Variants in FBXW11 observed in about 807,000 individuals in gnomAD.
The protein encoded by FBXW11 is F-box and WD repeat domain containing 11, also known as F-box/WD repeat-containing protein 11.
In FBXW11, 19 loss-of-function variants were observed where a neutral mutation model predicts 77.6. That is an observed-to-expected ratio of 0.24 (90% CI 0.17 to 0.36). FBXW11 has a LOEUF of 0.36. Among genes scored for constraint, FBXW11 ranks in the 10% least tolerant of loss-of-function variants. FBXW11 has a pLI of 1.00. For synonymous variants in FBXW11, 235 were observed against 249.4 expected (o/e 0.94, Z 0.54); for missense variants, 334 against 704.2 (o/e 0.47, Z 5.95).
At chr5:171,986,457 T>G (rs1279916365) in intron 1 of FBXW11, among the ~76,000 whole-genome samples, 1 of 151,384 alleles carries the variant, frequency 6.6e-6, no homozygotes, top group Non-Finnish European at 1.5e-5. Context: ...CCAGGTGTGG[T>G]GGCTCACCCC....
rs1223920505 is a variant in FBXW11 at position 171,914,413 on chromosome 5, G to A, written c.148-8C>T. The A allele has an allele frequency of 6.4e-7, 1 of 1,568,906 alleles. No individual in the cohort carries two copies. Among genetic ancestry groups the A allele is most frequent in the Middle Eastern group, 1.7e-4 (1 of 5,960 alleles). ...TTCCATAACTGAAGTGTTCTAGGGG[G>A]GGAAAAACAGGTTATTTGAATTATA... is the stretch of plus-strand genomic sequence containing the variant. On this transcript the variant is annotated splice_polypyrimidine_tract_variant and splice_region_variant and intron_variant, in intron 2 of 13. Coordinates refer to ENST00000517395, the MANE Select transcript of FBXW11 (RefSeq NM_001378974.1).
At chr5:171,978,449 T>C (rs1275866381) in intron 1 of FBXW11, among the ~76,000 whole-genome samples, 1 of 151,974 alleles carries the variant, frequency 6.6e-6, no homozygotes, top group Non-Finnish European at 1.5e-5. Context: ...TATTAAGAAA[T>C]AAAAGCCCAC....
chr5:171,938,154 C>A (rs367893306), intron 2 of FBXW11, among the ~76,000 whole-genome samples: 1 of 152,228 alleles, frequency 6.6e-6, no homozygotes, highest in African/African-American at 2.4e-5. Flanking sequence ...CTCTTCCAGA[C>A]TCAAGTTATC....
chr5:171,868,692 G>C lies in FBXW11; in HGVS notation c.1635C>G (p.Pro545=), dbSNP rs746999494. Residue 545 remains proline, a synonymous_variant, in exon 13 of 14, where the codon CCC becomes CCG. Coordinates refer to ENST00000517395, the MANE Select transcript of FBXW11 (RefSeq NM_001378974.1). Reference sequence around the variant, plus strand: ...GAGAACGGGTCTCATTCTGGGCACTGGGAGGCACATTTAAGAAATCCCAAA... The same window carrying C: ...GAGAACGGGTCTCATTCTGGGCACTCGGAGGCACATTTAAGAAATCCCAAA... ...ILIWDFLNVP[P]SAQNETRSPS... 6.2e-7 allele frequency: 1 copy of C among 1,613,812 alleles called. No homozygotes were observed.
chr5:171,878,262 A>C, intron 7 of FBXW11, 133 bp from the exon 8 acceptor site: 1 of 635,628 alleles, frequency 1.6e-6, no homozygotes, highest in African/African-American at 1.8e-5. Flanking sequence ...ACTGAATAAC[A>C]AACAGGTAAG....
At chr5:171,895,468 T>C (rs1581164817) in intron 6 of FBXW11, among the ~76,000 whole-genome samples, 1 of 152,340 alleles carries the variant, frequency 6.6e-6, no homozygotes, top group East Asian at 1.9e-4. Context: ...GAATAAAATG[T>C]GGCTTATTAA....
At chr5:171,989,227 G>A (rs1321675030) in intron 1 of FBXW11, among the ~76,000 whole-genome samples, 1 of 152,160 alleles carries the variant, frequency 6.6e-6, no homozygotes, top group Non-Finnish European at 1.5e-5. Flanking sequence ...TGTAATAACC[G>A]ATTTCAGGAT....
chr5:171,929,336 C>T (rs1762044900), intron 2 of FBXW11, among the ~76,000 whole-genome samples: 2 of 151,992 alleles, frequency 1.3e-5, no homozygotes. Flanking sequence ...CACCACTGCA[C>T]TACAGCCTGG....
chr5:171,983,340 T>A (rs1308348281), intron 1 of FBXW11, among the ~76,000 whole-genome samples: 3 of 152,118 alleles, frequency 2.0e-5, no homozygotes, highest in Non-Finnish European at 2.9e-5. Flanking sequence ...TGTAATAATA[T>A]CCTTTATGAT....
chr5:171,878,477 G>GC lies in FBXW11; in HGVS notation c.853-349dup, dbSNP rs1320982220. ...GCCTATAATCCCAACATTTTGGGAG[G>GC]CCGAGACAGAAGGATCGCTTGAGCC... On this transcript the variant is annotated intron_variant, in intron 7 of 13. Coordinates refer to ENST00000517395, the MANE Select transcript of FBXW11 (RefSeq NM_001378974.1). 3.3e-5 allele frequency among the ~76,000 whole-genome samples: 5 copies of GC among 152,006 alleles called. No individual in the cohort carries two copies. In the East Asian group the frequency reaches 9.7e-4, roughly 29 times the overall value.
At chr5:171,889,899 T>A (rs544258983) in intron 7 of FBXW11, among the ~76,000 whole-genome samples, 18 of 151,856 alleles carry the variant, frequency 1.2e-4, no homozygotes, top group Middle Eastern at 3.4e-3. Context: ...TCAAAAAAAA[T>A]TTTTTTTAAA....
intron 1 of FBXW11, among the ~76,000 whole-genome samples, chr5:171,967,753 C>A (rs1764273091): frequency 1.3e-5 from 2 of 151,138 alleles, no homozygotes; most frequent in African/African-American, 2.4e-5. Flanking sequence ...GCAGGAGAAT[C>A]GCTTGAACCC....
chr5:171,868,549 T>C (rs1024442005), intron 13 of FBXW11, 61 bp downstream of exon 13: 48 of 1,431,596 alleles, frequency 3.4e-5, no homozygotes, highest in Non-Finnish European at 4.4e-5. Context: ...AATCACAAAA[T>C]TTCCCCAAAG....
At chr5:171,898,545 T>A (rs571194353) in intron 6 of FBXW11, among the ~76,000 whole-genome samples, 1 of 152,218 alleles carries the variant, frequency 6.6e-6, no homozygotes, top group Non-Finnish European at 1.5e-5. Flanking sequence ...ATTTGCCCTA[T>A]AAAATCCACT....
chr5:171,868,386 C>A (rs1319469648), intron 13 of FBXW11, among the ~76,000 whole-genome samples: 2 of 152,124 alleles, frequency 1.3e-5, no homozygotes, highest in African/African-American at 4.8e-5. Context: ...GAACCATGTT[C>A]ATCATCTGCC....
intron 7 of FBXW11, among the ~76,000 whole-genome samples, chr5:171,883,622 C>T (rs1315338441): frequency 2.6e-5 from 4 of 152,210 alleles, no homozygotes; most frequent in East Asian, 1.9e-4. Flanking sequence ...GTTCCCTGTT[C>T]ATCATATCCA....
At chr5:171,915,650 T>TGTGTGTGA (rs982596459) in intron 2 of FBXW11, among the ~76,000 whole-genome samples, 3 of 151,214 alleles carry the variant, frequency 2.0e-5, no homozygotes, top group Non-Finnish European at 1.5e-5. Flanking sequence ...TGTGTGTGTG[T>TGTGTGTGA]GAGCCTGAGC....
chr5:171,940,085 C>A (rs1199194023), intron 2 of FBXW11, among the ~76,000 whole-genome samples: 1 of 151,908 alleles, frequency 6.6e-6, no homozygotes, highest in Non-Finnish European at 1.5e-5. Context: ...TATTTTCAAT[C>A]CTAGGTTGAT....
In FBXW11 at chr5:171,982,820, C is replaced by T. The variant is rs114093841; in HGVS notation, c.45+23638G>A. Reference sequence around the variant, plus strand: ...TCTCCAGCCCTCCTTTGACCTGACCCGAGGCACGACTCTAATCTTTAAGAT... The same window carrying T: ...TCTCCAGCCCTCCTTTGACCTGACCTGAGGCACGACTCTAATCTTTAAGAT... On this transcript the variant is annotated intron_variant, in intron 1 of 13. Transcript: ENST00000517395. 1.4e-3 allele frequency among the ~76,000 whole-genome samples: 211 copies of T among 152,126 alleles called. 1 individual carries two copies. The Middle Eastern group carries it at 0.041, about 29-fold the overall frequency.
Sources: allele counts gnomAD v4.1 joint callset (sites outside exome capture counted in the v4.1 genomes callset), GRCh38; gene constraint gnomAD v4.1.1; transcripts MANE v1.5; gene names NCBI Gene and HGNC (gene_info 2026-07-23, HGNC 2026-07-21).